Variants in MMP2 observed in about 807,000 individuals in gnomAD.
MMP2 encodes 72 kDa type IV collagenase.
MMP2 carries 39 observed loss-of-function variants against 74.8 expected under a neutral mutation model. That is an observed-to-expected ratio of 0.52 (90% CI 0.40 to 0.68). The LOEUF (loss-of-function observed/expected upper bound fraction) is 0.68. MMP2 is among the 30% of genes least tolerant of loss of function. The probability of loss-of-function intolerance (pLI) is 0.00; values close to 1 mark genes in which losing one functional copy is unlikely to be tolerated. For missense variants in MMP2, 803 were observed against 878.3 expected (o/e 0.91, Z 1.08); for synonymous variants, 367 against 339.8 (o/e 1.08, Z -0.88).
intron 7 of MMP2, among the ~76,000 whole-genome samples, chr16:55,490,628 G>A (rs1173115029): frequency 6.6e-6 from 1 of 152,202 alleles, no homozygotes; most frequent in African/African-American, 2.4e-5. Context: ...CAGTGGGCAG[G>A]TCCAGGGCCT....
intron 5 of MMP2, among the ~76,000 whole-genome samples, chr16:55,486,237 G>A (rs191521050): frequency 6.6e-6 from 1 of 152,146 alleles, no homozygotes; most frequent in Admixed American, 6.5e-5. Flanking sequence ...TCAGACCAGG[G>A]CTGGACTCAA....
chr16:55,479,978 C>CG lies in MMP2; in HGVS notation c.153+358dup, dbSNP rs752333662. 1.3e-3 allele frequency: 160 copies of CG among 126,080 alleles called. 2 individuals carry two copies. The highest frequency in any genetic ancestry group is 5.1e-3 in the African/African-American group (142 of 27,736). 7.8% of individuals were successfully genotyped at this position (126,080 alleles called of 1,614,324 possible). On this transcript the variant is annotated intron_variant, in intron 1 of 12. Transcript: ENST00000219070. The stretch of plus-strand genomic sequence containing the variant: ...ATCCTCTAGTATCTGGGACATTTGG[C>CG]GGGGGGGGGGGGCGGTCTTTGTAAA...
Position 55,496,944 on chromosome 16 carries a change from G to C in MMP2, c.1491G>C (p.Val497=), listed in dbSNP as rs1315279533. ...FFKDRFIWRT[V]TPRDKPMGPL... is the part of the protein sequence containing the mutation. The stretch of plus-strand genomic sequence containing the variant: ...CTGCCAGGTTCATTTGGCGGACTGT[G>C]ACGCCACGTGACAAGCCCATGGGGC... Residue 497 remains valine (V), a synonymous_variant, in exon 10 of 13, where the codon GTG becomes GTC. Coordinates refer to ENST00000219070, the MANE Select transcript of MMP2 (RefSeq NM_004530.6). The C allele has an allele frequency of 6.2e-7, 1 of 1,613,986 alleles. No homozygotes were observed. Among genetic ancestry groups the C allele is most frequent in the Non-Finnish European group, 8.5e-7 (1 of 1,180,038 alleles).
chr16:55,489,725 G>C lies in MMP2; in HGVS notation c.1081G>C (p.Glu361Gln), dbSNP rs1962353336. Residue 361 changes from glutamate to glutamine, a missense_variant, in exon 7 of 13, where the codon GAG becomes CAG. By Grantham distance (29) the Glu-to-Gln change is conservative. This residue lies in a region of MMP2 where 555 missense variants were observed against 592.0 expected (regional missense o/e 0.94). Transcript: ENST00000219070. ...CTTCACTTTCCTGGGCAACAAATAT[G>C]AGAGCTGCACCAGCGCCGGCCGCAG... Reference protein sequence around the residue: ...FPFTFLGNKYESCTSAGRSDG... With the variant: ...FPFTFLGNKYQSCTSAGRSDG... The C allele has an allele frequency of 6.2e-7, 1 of 1,614,038 alleles. No individual in the cohort carries two copies. The highest frequency in any genetic ancestry group is 8.5e-7 in the Non-Finnish European group (1 of 1,180,042).
At position 55,485,339 on chromosome 16, in the gene MMP2, C is replaced by G. The variant is rs1962215194; in HGVS notation, c.570C>G (p.Leu190=). 6.2e-7 allele frequency: 1 copy of G among 1,613,998 alleles called. No individual in the cohort carries two copies. ...DGYPFDGKDG[L]LAHAFAPGTG... ...ACCCCTTTGACGGTAAGGACGGACT[C>G]CTGGCTCATGCCTTCGCCCCAGGCA... The change falls in exon 4 of 13, where the codon CTC becomes CTG. Residue 190 remains leucine (L), a synonymous_variant. Transcript: ENST00000219070.
intron 11 of MMP2, among the ~76,000 whole-genome samples, chr16:55,499,717 A>C (rs1215847775): frequency 6.6e-6 from 1 of 152,200 alleles, no homozygotes; most frequent in Admixed American, 6.5e-5. Context: ...CTATAGAGAT[A>C]TGTGTATTTG....
In MMP2 at chr16:55,489,840, C is replaced by A; in HGVS notation, c.1180+16C>A. On this transcript the variant is annotated intron_variant, in intron 7 of 12. Coordinates refer to ENST00000219070, the MANE Select transcript of MMP2 (RefSeq NM_004530.6). Reference sequence around the variant, plus strand: ...CCTGACCAAGGTACGAGGCCCTGGTCATTGGACAGAGACCCTGGACATTGC... The same window carrying A: ...CCTGACCAAGGTACGAGGCCCTGGTAATTGGACAGAGACCCTGGACATTGC... 2 of 1,613,164 alleles carry A rather than the reference C, an allele frequency of 1.2e-6. No individual in the cohort carries two copies. Among genetic ancestry groups the A allele is most frequent in the South Asian group, 2.2e-5 (2 of 90,916 alleles).
At chr16:55,485,198 G>C (rs1254474046) in intron 3 of MMP2, 101 bp from the exon 4 acceptor site, 29 of 1,550,436 alleles carry the variant, frequency 1.9e-5, no homozygotes, top group Non-Finnish European at 2.6e-5. Context: ...GAAGGGGACA[G>C]ATGCTGGGTG....
chr16:55,485,809 C>T (rs1962234081), intron 5 of MMP2, 32 bp downstream of exon 5: 1 of 1,608,120 alleles, frequency 6.2e-7, no homozygotes, highest in Admixed American at 1.7e-5. Context: ...CAAGACTTTC[C>T]ACCCCAAGCC....
intron 1 of MMP2, chr16:55,480,419 G>A (rs1962068517): frequency 6.6e-6 from 1 of 152,262 alleles, no homozygotes; most frequent in African/African-American, 2.4e-5. Flanking sequence ...GGGAGGAGGA[G>A]TGGGGCAGGC....
intron 10 of MMP2, among the ~76,000 whole-genome samples, 190 bp downstream of exon 10, chr16:55,497,252 C>G (rs1465929942): frequency 6.6e-6 from 1 of 152,180 alleles, no homozygotes; most frequent in Non-Finnish European, 1.5e-5. Flanking sequence ...AGATTGGTTC[C>G]GACACCCAAC....
Position 55,505,490 on chromosome 16 carries a change from A to T in MMP2, c.*48A>T. 1 of 1,535,134 alleles carries T rather than the reference A, an allele frequency of 6.5e-7. No homozygotes were observed. The highest frequency in any genetic ancestry group is 9.0e-7 in the Non-Finnish European group (1 of 1,108,872). On this transcript the variant is annotated 3_prime_UTR_variant, in exon 13 of 13. Transcript: ENST00000219070. ...CCTTCCTCTCCACTGCCTTCGATAC[A>T]CCGGGCCTGGAGAACTAGAGAAGGA... is the stretch of plus-strand genomic sequence containing the variant.
rs750253534 is a variant in MMP2, at chr16:55,502,886, G to A, written c.1877G>A (p.Gly626Asp). ...NLDAVVDLQG[G>D]GHSYFFKGAY... Reference sequence around the variant, plus strand: ...GATGCCGTCGTGGACCTGCAGGGCGGCGGTGAGCCACCCAGGACTGTCTCC... The same window carrying A: ...GATGCCGTCGTGGACCTGCAGGGCGACGGTGAGCCACCCAGGACTGTCTCC... Residue 626 changes from glycine (G) to aspartate (D), a missense_variant and splice_region_variant, in exon 12 of 13, where the codon GGC becomes GAC. Transcript: ENST00000219070. 24 of 1,612,864 alleles carry A rather than the reference G, an allele frequency of 1.5e-5. No homozygotes were observed. The highest frequency in any genetic ancestry group is 2.0e-5 in the Non-Finnish European group (24 of 1,179,710).
chr16:55,489,710 C>T lies in MMP2; in HGVS notation c.1066C>T (p.Leu356=), dbSNP rs41513346. 2.0e-3 allele frequency: 3,193 copies of T among 1,614,162 alleles called. 67 individuals carry two copies. The African/African-American group carries it at 0.035, about 18-fold the overall frequency. The change falls in exon 7 of 13, where the codon CTG becomes TTG. Residue 356 remains leucine, a synonymous_variant. Transcript: ENST00000219070. ...GAPCVFPFTF[L]GNKYESCTSA... Reference sequence around the variant, plus strand: ...CCCCTGTGTCTTCCCCTTCACTTTCCTGGGCAACAAATATGAGAGCTGCAC... The same window carrying T: ...CCCCTGTGTCTTCCCCTTCACTTTCTTGGGCAACAAATATGAGAGCTGCAC...
chr16:55,496,852 T>C, intron 9 of MMP2, 74 bp from the exon 10 acceptor site: 2 of 1,593,314 alleles, frequency 1.3e-6, no homozygotes, highest in Admixed American at 3.3e-5. Context: ...TCTGGGTGGG[T>C]TTGGGGGTGT....
chr16:55,483,931 A>C (rs544742896), intron 2 of MMP2, 85 bp from the exon 3 acceptor site: 24 of 1,484,134 alleles, frequency 1.6e-5, no homozygotes, highest in Non-Finnish European at 2.2e-5. Context: ...AAACTTTTTC[A>C]TACATCTGTG....
intron 3 of MMP2, 104 bp from the exon 4 acceptor site, chr16:55,485,194 GA>G: frequency 1.2e-5 from 19 of 1,526,230 alleles, no homozygotes; most frequent in East Asian, 2.3e-5. Context: ...AAGGGAAGGG[GA>G]CAGATGCTGG....
chr16:55,498,258 C>A (rs1211213538), intron 10 of MMP2, 31 bp from the exon 11 acceptor site: 20 of 1,613,014 alleles, frequency 1.2e-5, no homozygotes, highest in Non-Finnish European at 1.7e-5. Flanking sequence ...CATGTCAGCA[C>A]CAGCCAACAC....
intron 12 of MMP2, among the ~76,000 whole-genome samples, chr16:55,504,115 G>A (rs1467293600): frequency 1.3e-5 from 2 of 152,158 alleles, no homozygotes; most frequent in African/African-American, 4.8e-5. Context: ...CCGTGTTCAT[G>A]CCGCTGCATT....
Sources: gnomAD v4.1 joint callset for allele counts (sites outside exome capture counted in the v4.1 genomes callset) on GRCh38, gnomAD v4.1.1 for gene constraint, gnomAD v4.1.1 regional missense constraint, MANE v1.5 for transcripts, NCBI Gene and HGNC (gene_info 2026-07-23, HGNC 2026-07-21) for gene names.